The following PDE7B variants were observed in gnomAD, a reference collection of about 807,000 sequenced individuals.
PDE7B encodes phosphodiesterase 7B.
Under a neutral mutation model 56.2 loss-of-function variants are expected in PDE7B, and 29 were observed. The ratio of observed to expected loss-of-function variants is 0.52; its 90% CI spans 0.38 to 0.70. The LOEUF is 0.70. Ranked by LOEUF, PDE7B falls within the 30% of genes least tolerant of loss-of-function variation. The pLI is 0.00. For missense variants in PDE7B, 490 were observed against 565.0 expected (o/e 0.87, Z 1.35); for synonymous variants, 197 against 196.9 (o/e 1.00, Z 0.00).
intron 11 of PDE7B, among the ~76,000 whole-genome samples, chr6:136,183,881 G>A (rs1169813573): frequency 6.6e-6 from 1 of 152,050 alleles, no homozygotes; most frequent in Admixed American, 6.6e-5. Context: ...AGGACACAGG[G>A]GGAAAGGAAA....
At chr6:136,087,084 G>C (rs1777305614) in intron 2 of PDE7B, among the ~76,000 whole-genome samples, 2 of 152,200 alleles carry the variant, frequency 1.3e-5, no homozygotes, top group South Asian at 4.1e-4. Context: ...AGGTTGGTTA[G>C]AATGAGAAAG....
intron 2 of PDE7B, among the ~76,000 whole-genome samples, chr6:136,028,287 G>C (rs1304751634): frequency 6.6e-6 from 1 of 152,210 alleles, no homozygotes; most frequent in Non-Finnish European, 1.5e-5. Flanking sequence ...AAATGGATAA[G>C]AGGTCCTGCT....
intron 2 of PDE7B, among the ~76,000 whole-genome samples, chr6:135,956,136 A>G (rs1774788759): frequency 1.3e-5 from 2 of 152,164 alleles, no homozygotes; most frequent in African/African-American, 2.4e-5. Flanking sequence ...CTAACTAGGT[A>G]GGAGACTAAA....
chr6:136,190,681 C>T (rs1347303272), intron 12 of PDE7B, among the ~76,000 whole-genome samples: 13 of 152,008 alleles, frequency 8.6e-5, no homozygotes, highest in African/African-American at 1.2e-4. Flanking sequence ...CACATTAACG[C>T]GGCAAAACGC....
At chr6:135,864,164 C>CATA (rs1364573014) in intron 1 of PDE7B, among the ~76,000 whole-genome samples, 3 of 152,098 alleles carry the variant, frequency 2.0e-5, no homozygotes, top group African/African-American at 7.2e-5. Flanking sequence ...CTAATACAAG[C>CATA]ATAATGCATA....
At chr6:136,150,003 C>T (rs749826337) in intron 5 of PDE7B, among the ~76,000 whole-genome samples, 6 of 152,014 alleles carry the variant, frequency 3.9e-5, no homozygotes, top group Non-Finnish European at 7.4e-5. Context: ...AACTGAGAAA[C>T]GGGTACTGGT....
rs766588065 is a variant in PDE7B at position 136,191,773 on chromosome 6, G to A, written c.1286G>A (p.Ser429Asn). ...RQHRSRGSSG[S>N]GPDHDHAGQG... ...CACAGAAGCAGGGGCAGCAGTGGCA[G>A]CGGGCCTGACCACGACCACGCAGGC... The change falls in exon 13 of 13, where the codon AGC (serine) becomes AAC (asparagine). Residue 429 changes from serine to asparagine, a missense_variant. Coordinates refer to ENST00000308191, the MANE Select transcript of PDE7B (RefSeq NM_018945.4). 6.3e-6 allele frequency: 10 copies of A among 1,585,362 alleles called. No individual in the cohort carries two copies. Among genetic ancestry groups the A allele is most frequent in the Non-Finnish European group, 8.6e-6 (10 of 1,166,244 alleles).
chr6:135,916,383 CT>C (rs201372405), intron 1 of PDE7B, among the ~76,000 whole-genome samples: 1,540 of 91,664 alleles, frequency 0.017, 27 homozygotes, highest in African/African-American at 0.06. Context: ...CTTTTCTTTT[CT>C]TTTCTTTCTT....
At chr6:135,900,833 T>C (rs931861525) in intron 1 of PDE7B, among the ~76,000 whole-genome samples, 2 of 152,190 alleles carry the variant, frequency 1.3e-5, no homozygotes, top group African/African-American at 4.8e-5. Flanking sequence ...TATTTCAGTG[T>C]TGATCGTGGC....
intron 2 of PDE7B, among the ~76,000 whole-genome samples, chr6:136,006,565 G>A (rs942440580): frequency 6.6e-6 from 1 of 151,950 alleles, no homozygotes; most frequent in African/African-American, 2.4e-5. Flanking sequence ...TTTTCCATTT[G>A]TTTGTCATAT....
intron 2 of PDE7B, among the ~76,000 whole-genome samples, chr6:135,980,175 A>C (rs1647057812): frequency 1.3e-5 from 2 of 152,208 alleles, no homozygotes; most frequent in South Asian, 4.1e-4. Flanking sequence ...AACCTGAGAA[A>C]AACAAGCAAT....
intron 9 of PDE7B, among the ~76,000 whole-genome samples, chr6:136,176,543 A>T (rs538130804): frequency 1.3e-5 from 2 of 151,978 alleles, no homozygotes. Context: ...AATTTTTGTG[A>T]TTTTTTTCCC....
chr6:136,037,238 G>A (rs1776337399), intron 2 of PDE7B, among the ~76,000 whole-genome samples: 1 of 152,182 alleles, frequency 6.6e-6, no homozygotes, highest in Admixed American at 6.5e-5. Flanking sequence ...GGTTTTGAAT[G>A]AGCCTGAGCC....
chr6:136,027,287 A>C (rs1776169038), intron 2 of PDE7B, among the ~76,000 whole-genome samples: 1 of 152,216 alleles, frequency 6.6e-6, no homozygotes, highest in Non-Finnish European at 1.5e-5. Flanking sequence ...TTAAACTCTC[A>C]CATTATGTGA....
chr6:135,906,829 T>TTTTGTTTTTTTTGTTTTTTG (rs1185021608), intron 1 of PDE7B, among the ~76,000 whole-genome samples: 3 of 142,692 alleles, frequency 2.1e-5, no homozygotes, highest in African/African-American at 8.5e-5. Context: ...TTTTTTTTTT[T>TTTTGTTTTTTTTGTTTTTTG]TTTTTTTAAT....
chr6:135,962,923 A>G (rs550395932), intron 2 of PDE7B, among the ~76,000 whole-genome samples: 4 of 152,320 alleles, frequency 2.6e-5, no homozygotes, highest in Non-Finnish European at 5.9e-5. Flanking sequence ...GACATAGCAC[A>G]GAAGTTGCAA....
intron 2 of PDE7B, among the ~76,000 whole-genome samples, chr6:136,091,213 C>T (rs1777380194): frequency 6.6e-6 from 1 of 152,158 alleles, no homozygotes; most frequent in Admixed American, 6.5e-5. Context: ...TTCACTCCTG[C>T]CCAATTAAAT....
chr6:136,110,067 T>G (rs1777716701), intron 3 of PDE7B, among the ~76,000 whole-genome samples: 1 of 152,236 alleles, frequency 6.6e-6, no homozygotes, highest in Non-Finnish European at 1.5e-5. Context: ...GTGGCATGTT[T>G]GTATTTCTCC....
At chr6:136,147,650 T>A in intron 4 of PDE7B, 148 bp downstream of exon 4, 1 of 589,764 alleles carries the variant, frequency 1.7e-6, no homozygotes, top group Non-Finnish European at 3.0e-6. Flanking sequence ...CTTGTTCCTC[T>A]AATAGAAAAT....
Sources: allele counts gnomAD v4.1 joint callset (sites outside exome capture counted in the v4.1 genomes callset), GRCh38; gene constraint gnomAD v4.1.1; transcripts MANE v1.5; gene names NCBI Gene and HGNC (gene_info 2026-07-23, HGNC 2026-07-21).